The following ULK4 variants were observed in gnomAD, a reference collection of about 807,000 sequenced individuals.
ULK4 encodes the protein inactive serine/threonine-protein kinase ULK4.
ULK4 carries 133 observed loss-of-function variants against 160.6 expected under a neutral mutation model. The observed-to-expected ratio is 0.83, with a 90% CI of 0.72 to 0.96. The LOEUF is 0.96. Among genes scored for constraint, ULK4 ranks in the 40% least tolerant of loss-of-function variants. The probability of loss-of-function intolerance (pLI) is 0.00; values close to 1 mark genes in which losing one functional copy is unlikely to be tolerated. For missense variants in ULK4, 1,580 were observed against 1,499.5 expected (o/e 1.05, Z -0.89); for synonymous variants, 534 against 539.8 (o/e 0.99, Z 0.15).
In ULK4 at chr3:41,455,604, G is replaced by C; in HGVS notation, c.3394-9C>G. 6.2e-7 allele frequency: 1 copy of C among 1,613,288 alleles called. No homozygotes were observed. The highest frequency in any genetic ancestry group is 1.3e-5 in the African/African-American group (1 of 75,024). On this transcript the variant is annotated splice_polypyrimidine_tract_variant and intron_variant, in intron 33 of 36. Transcript: ENST00000301831. Reference sequence around the variant, plus strand: ...GAGCCAGACTTCTGGGCCTGGAACAGAGAGAAGAGAAATGAAAGACGGTCT... The same window carrying C: ...GAGCCAGACTTCTGGGCCTGGAACACAGAGAAGAGAAATGAAAGACGGTCT...
At chr3:41,473,544 C>A (rs1162906451) in intron 32 of ULK4, among the ~76,000 whole-genome samples, 2 of 151,422 alleles carry the variant, frequency 1.3e-5, no homozygotes, top group Non-Finnish European at 2.9e-5. Flanking sequence ...TGCCTGTAAT[C>A]CCAGCTACAC....
At position 41,705,166 on chromosome 3, in the gene ULK4, AATT is replaced by A; in HGVS notation, c.2687-18_2687-16del. On this transcript the variant is annotated splice_polypyrimidine_tract_variant and intron_variant, in intron 26 of 36. Transcript: ENST00000301831. ...TGCTGTCAGTCCTAGAAATACAGTTAATTATTATAGGTGTTTATTTACATGTTC... is the reference window on the plus strand; with the variant it reads ...TGCTGTCAGTCCTAGAAATACAGTTAATTATAGGTGTTTATTTACATGTTC... 6.2e-7 allele frequency: 1 copy of A among 1,608,980 alleles called. No individual in the cohort carries two copies. The highest frequency in any genetic ancestry group is 8.5e-7 in the Non-Finnish European group (1 of 1,176,552).
intron 32 of ULK4, among the ~76,000 whole-genome samples, chr3:41,502,241 A>G (rs1471336832): frequency 1.3e-5 from 2 of 152,228 alleles, no homozygotes; most frequent in African/African-American, 4.8e-5. Flanking sequence ...ATGATATGGT[A>G]ATTCTATTTT....
intron 21 of ULK4, among the ~76,000 whole-genome samples, chr3:41,788,458 G>T (rs1277454217): frequency 2.0e-5 from 3 of 152,064 alleles, no homozygotes; most frequent in Non-Finnish European, 4.4e-5. Context: ...GCCAAGGAGG[G>T]CGGATCACAA....
At chr3:41,809,482 G>A (rs1361998604) in intron 19 of ULK4, among the ~76,000 whole-genome samples, 1 of 152,160 alleles carries the variant, frequency 6.6e-6, no homozygotes, top group Non-Finnish European at 1.5e-5. Context: ...GCTCTTTATT[G>A]AAAAAGTAGG....
intron 32 of ULK4, among the ~76,000 whole-genome samples, chr3:41,481,184 C>A (rs1257661907): frequency 6.6e-6 from 1 of 152,196 alleles, no homozygotes; most frequent in South Asian, 2.1e-4. Flanking sequence ...GGCTGACACA[C>A]CTAACCCCCA....
chr3:41,429,919 C>A (rs1410962857), intron 34 of ULK4, among the ~76,000 whole-genome samples: 1 of 152,056 alleles, frequency 6.6e-6, no homozygotes, highest in African/African-American at 2.4e-5. Context: ...AATTAAAATT[C>A]TTTTTAAAAA....
At chr3:41,438,461 G>A (rs1332662473) in intron 34 of ULK4, among the ~76,000 whole-genome samples, 1 of 152,076 alleles carries the variant, frequency 6.6e-6, no homozygotes, top group Non-Finnish European at 1.5e-5. Context: ...CCCTTCCCCA[G>A]TAGAAACTAT....
In ULK4 at chr3:41,916,035, C is replaced by G; in HGVS notation, c.745G>C (p.Ala249Pro). The G allele has an allele frequency of 6.3e-7, 1 of 1,587,018 alleles. No individual in the cohort carries two copies. The highest frequency in any genetic ancestry group is 8.5e-7 in the Non-Finnish European group (1 of 1,172,622). Reference sequence around the variant, plus strand: ...AGCAAATTAATAAAATCTGAAGAAGCTTTAGGACGAGAAGAATCTATAAAT... The same window carrying G: ...AGCAAATTAATAAAATCTGAAGAAGGTTTAGGACGAGAAGAATCTATAAAT... ...PIPKDSSRPK[A>P]SSDFINLLDG... Residue 249 changes from alanine (A) to proline (P), a missense_variant, in exon 8 of 37, where the codon GCT becomes CCT. Physicochemically the swap from Ala to Pro is conservative, Grantham distance 27 (BLOSUM62 -1). Transcript: ENST00000301831.
At chr3:41,838,863 C>T (rs187166274) in intron 17 of ULK4, among the ~76,000 whole-genome samples, 22 of 152,172 alleles carry the variant, frequency 1.4e-4, no homozygotes, top group African/African-American at 5.1e-4. Flanking sequence ...TATGTGAAAT[C>T]CAAAAAAGTG....
chr3:41,784,112 T>C (rs1302759688), intron 21 of ULK4, among the ~76,000 whole-genome samples: 3 of 152,152 alleles, frequency 2.0e-5, no homozygotes, highest in Non-Finnish European at 4.4e-5. Context: ...AAGAATCACA[T>C]ATAAAGTACC....
intron 32 of ULK4, among the ~76,000 whole-genome samples, chr3:41,546,989 C>G (rs1443167816): frequency 6.6e-6 from 1 of 152,108 alleles, no homozygotes; most frequent in East Asian, 1.9e-4. Flanking sequence ...AACATTATTT[C>G]CAGTTTTCAG....
chr3:41,292,721 G>T (rs949856154), intron 35 of ULK4, among the ~76,000 whole-genome samples: 4 of 151,898 alleles, frequency 2.6e-5, no homozygotes, highest in Non-Finnish European at 1.5e-5. Context: ...CAAGGTGGAT[G>T]GATCACAAGG....
intron 35 of ULK4, among the ~76,000 whole-genome samples, chr3:41,367,760 T>C (rs957417390): frequency 6.6e-6 from 1 of 152,204 alleles, no homozygotes; most frequent in Non-Finnish European, 1.5e-5. Context: ...CTATTTTGAT[T>C]ACTTCAATGG....
At chr3:41,510,997 C>T (rs547042422) in intron 32 of ULK4, among the ~76,000 whole-genome samples, 4 of 151,818 alleles carry the variant, frequency 2.6e-5, no homozygotes, top group Non-Finnish European at 5.9e-5. Flanking sequence ...CCCACCTCTA[C>T]TAAAAAATAC....
At chr3:41,455,835 T>C (rs952585584) in intron 33 of ULK4, among the ~76,000 whole-genome samples, 7 of 152,160 alleles carry the variant, frequency 4.6e-5, no homozygotes, top group African/African-American at 1.2e-4. Flanking sequence ...GGACAGCACA[T>C]AGATAAAGCA....
chr3:41,716,246 TAATAATAATAA>T (rs2037263636), intron 23 of ULK4, among the ~76,000 whole-genome samples: 1 of 144,332 alleles, frequency 6.9e-6, no homozygotes, highest in South Asian at 2.1e-4. Flanking sequence ...ATAATAATAA[TAATAATAATAA>T]GTGAACGAAT....
intron 31 of ULK4, among the ~76,000 whole-genome samples, chr3:41,603,610 G>A (rs2032226102): frequency 6.6e-6 from 1 of 151,366 alleles, no homozygotes; most frequent in Admixed American, 6.6e-5. Context: ...GGCATCCATA[G>A]AACATAAAGA....
intron 31 of ULK4, among the ~76,000 whole-genome samples, chr3:41,570,899 G>T (rs541643451): frequency 6.6e-6 from 1 of 151,942 alleles, no homozygotes; most frequent in African/African-American, 2.4e-5. Context: ...ATCTGCAGAG[G>T]GGTATAAAAC....
Sources: allele counts gnomAD v4.1 joint callset (sites outside exome capture counted in the v4.1 genomes callset), GRCh38; gene constraint gnomAD v4.1.1; transcripts MANE v1.5; gene names NCBI Gene and HGNC (gene_info 2026-07-23, HGNC 2026-07-21).